The following ARHGAP44 variants were observed in gnomAD, a reference collection of about 807,000 sequenced individuals.
ARHGAP44 encodes the protein Rho GTPase activating protein 44.
In ARHGAP44, 43 loss-of-function variants were observed where a neutral mutation model predicts 106.8. The observed-to-expected ratio is 0.40, with a 90% CI of 0.32 to 0.52. The LOEUF is 0.52. ARHGAP44 is among the 20% of genes least tolerant of loss of function. The pLI is 0.48. For missense variants in ARHGAP44, 866 were observed against 1,050.5 expected (o/e 0.82, Z 2.43); for synonymous variants, 439 against 410.3 (o/e 1.07, Z -0.85).
intron 3 of ARHGAP44, among the ~76,000 whole-genome samples, chr17:12,905,008 T>C (rs1434946178): frequency 1.3e-5 from 2 of 151,780 alleles, no homozygotes. Context: ...TTCTAGCAAT[T>C]CTCCTGCCTC....
At chr17:12,895,024 G>T in intron 2 of ARHGAP44, 45 bp downstream of exon 2, 1 of 1,548,134 alleles carries the variant, frequency 6.5e-7, no homozygotes, top group East Asian at 2.4e-5. Context: ...AGAGATATAT[G>T]GGAGGCTGAG....
rs1249666904 is a variant in ARHGAP44, at chr17:12,835,378, G to A, written c.53+45487G>A. Among the ~76,000 whole-genome samples, 7 of 152,162 alleles carry A rather than the reference G, an allele frequency of 4.6e-5. 1 individual carries two copies. Among genetic ancestry groups the A allele is most frequent in the Non-Finnish European group, 1.5e-5 (1 of 68,036 alleles). On this transcript the variant is annotated intron_variant, in intron 1 of 20. Coordinates refer to ENST00000379672, the MANE Select transcript of ARHGAP44 (RefSeq NM_014859.6). ...ACAAGATGACTAATAAGAAATATCA[G>A]GTTCTGGGCATTGATAAAAGGCAGA...
intron 6 of ARHGAP44, among the ~76,000 whole-genome samples, chr17:12,920,233 G>A (rs1460913999): frequency 2.6e-5 from 4 of 151,168 alleles, no homozygotes; most frequent in South Asian, 4.2e-4. Context: ...AAAATTAGCC[G>A]GGCATGGTGG....
At chr17:12,809,092 G>T (rs1018574850) in intron 1 of ARHGAP44, among the ~76,000 whole-genome samples, 1 of 152,216 alleles carries the variant, frequency 6.6e-6, no homozygotes. Flanking sequence ...CACAGCACGA[G>T]TCACCTTTAT....
chr17:12,851,201 G>C (rs545268884), intron 1 of ARHGAP44, among the ~76,000 whole-genome samples: 1 of 152,152 alleles, frequency 6.6e-6, no homozygotes, highest in Non-Finnish European at 1.5e-5. Flanking sequence ...TGGCACCTCC[G>C]CTGTGGCCTC....
chr17:12,911,623 AC>A (rs1415565440), intron 4 of ARHGAP44, among the ~76,000 whole-genome samples: 3 of 152,180 alleles, frequency 2.0e-5, no homozygotes. Flanking sequence ...CACTTGGATC[AC>A]TAAACTCTGC....
chr17:12,930,555 C>T (rs986794229), intron 7 of ARHGAP44, among the ~76,000 whole-genome samples: 2 of 152,114 alleles, frequency 1.3e-5, no homozygotes, highest in Non-Finnish European at 2.9e-5. Flanking sequence ...TATTTTTTAA[C>T]TATCTACCAT....
rs375812578 is a variant in ARHGAP44, at chr17:12,990,110, G to T, written c.2396G>T (p.Arg799Leu). 6.2e-7 allele frequency: 1 copy of T among 1,613,336 alleles called. No individual in the cohort carries two copies. Among genetic ancestry groups the T allele is most frequent in the African/African-American group, 1.3e-5 (1 of 74,880 alleles). ...CGCCTGAGTCCCCTGGAGCACATGC[G>T]GCGACACTCAGTAACTGACAAGAGG... ...TLRLSPLEHM[R>L]RHSVTDKRDS... Residue 799 changes from arginine (R) to leucine (L), a missense_variant, in exon 21 of 21, where the codon CGG becomes CTG. Arg to Leu is a moderately radical substitution (Grantham distance 102). Around this residue, in one of 2 missense-constraint regions of ARHGAP44, gnomAD observed 418 missense variants for 403.6 expected, o/e 1.04. Coordinates refer to ENST00000379672, the MANE Select transcript of ARHGAP44 (RefSeq NM_014859.6).
intron 1 of ARHGAP44, among the ~76,000 whole-genome samples, chr17:12,860,871 TTTTTTTTTGA>T (rs1353894557): frequency 4.4e-5 from 4 of 91,588 alleles, no homozygotes; most frequent in African/African-American, 1.5e-4. Flanking sequence ...TTTTTTTTTT[TTTTTTTTTGA>T]GACAAGGTCT....
chr17:12,791,703 G>A (rs2033765766), intron 1 of ARHGAP44, among the ~76,000 whole-genome samples: 1 of 152,118 alleles, frequency 6.6e-6, no homozygotes, highest in African/African-American at 2.4e-5. Flanking sequence ...GGGGAGGTTG[G>A]ATTTCAGAAA....
At chr17:12,797,835 G>A (rs2033969792) in intron 1 of ARHGAP44, among the ~76,000 whole-genome samples, 1 of 152,118 alleles carries the variant, frequency 6.6e-6, no homozygotes, top group South Asian at 2.1e-4. Context: ...CTTCTCATCT[G>A]GGAATAGGGC....
At chr17:12,919,531 G>A (rs547467017) in intron 5 of ARHGAP44, among the ~76,000 whole-genome samples, 14 of 152,040 alleles carry the variant, frequency 9.2e-5, no homozygotes, top group African/African-American at 3.1e-4. Context: ...AATTACAGGC[G>A]CATGCCACCA....
chr17:12,869,715 A>G (rs2036348908), intron 1 of ARHGAP44, among the ~76,000 whole-genome samples: 1 of 152,198 alleles, frequency 6.6e-6, no homozygotes, highest in Non-Finnish European at 1.5e-5. Flanking sequence ...AAAAAATTTA[A>G]AACAATAAGA....
intron 7 of ARHGAP44, among the ~76,000 whole-genome samples, chr17:12,929,906 A>G (rs1289520725): frequency 6.6e-6 from 1 of 152,210 alleles, no homozygotes; most frequent in Non-Finnish European, 1.5e-5. Flanking sequence ...TAGCTTGTCC[A>G]TAGGCTTTTT....
intron 16 of ARHGAP44, among the ~76,000 whole-genome samples, chr17:12,971,104 A>G (rs967367873): frequency 1.3e-5 from 2 of 152,212 alleles, no homozygotes; most frequent in Admixed American, 6.5e-5. Flanking sequence ...TCGTGATTGC[A>G]TATGGCACTG....
chr17:12,897,313 C>T (rs1024599767), intron 3 of ARHGAP44, among the ~76,000 whole-genome samples: 6 of 152,080 alleles, frequency 3.9e-5, no homozygotes, highest in East Asian at 1.9e-4. Flanking sequence ...CTTGGTCCCC[C>T]GATGCCCCTC....
chr17:12,874,243 C>T (rs1490971152), intron 1 of ARHGAP44, among the ~76,000 whole-genome samples: 2 of 152,230 alleles, frequency 1.3e-5, no homozygotes, highest in South Asian at 4.1e-4. Context: ...GAGGACTTTG[C>T]AGCATACTTC....
chr17:12,916,043 G>C (rs764692408), intron 5 of ARHGAP44, 32 bp downstream of exon 5: 1 of 1,568,892 alleles, frequency 6.4e-7, no homozygotes, highest in Non-Finnish European at 8.8e-7. Flanking sequence ...AGGCCTGAAA[G>C]AGCAAGGAGG....
At chr17:12,903,142 T>TGTGTGTGG (rs2037443737) in intron 3 of ARHGAP44, among the ~76,000 whole-genome samples, 1 of 92,908 alleles carries the variant, frequency 1.1e-5, no homozygotes, top group African/African-American at 5.8e-5. Context: ...AGAGAGAGAG[T>TGTGTGTGG]GTGTGTGTGT....
Sources: gnomAD v4.1 joint callset for allele counts (sites outside exome capture counted in the v4.1 genomes callset) on GRCh38, gnomAD v4.1.1 for gene constraint, gnomAD v4.1.1 regional missense constraint, MANE v1.5 for transcripts, NCBI Gene and HGNC (gene_info 2026-07-23, HGNC 2026-07-21) for gene names.